ARID2: variants seen among roughly 807,000 people sequenced by gnomAD.
ARID2 encodes AT-rich interactive domain-containing protein 2.
A neutral mutation model predicts 184.6 loss-of-function variants in ARID2; 32 were observed. That is an observed-to-expected ratio of 0.17 (90% CI 0.13 to 0.23). ARID2 has a LOEUF of 0.23. Among genes scored for constraint, ARID2 ranks in the 10% least tolerant of loss-of-function variants. The pLI is 1.00. For missense variants in ARID2, 1,696 were observed against 2,197.6 expected (o/e 0.77, Z 4.56); for synonymous variants, 836 against 772.6 (o/e 1.08, Z -1.36).
In ARID2 at chr12:45,817,746, G is replaced by T; in HGVS notation, c.495G>T (p.Leu165=). Residue 165 remains leucine (L), a synonymous_variant, in exon 5 of 21, where the codon CTG becomes CTT. Coordinates refer to ENST00000334344, the MANE Select transcript of ARID2 (RefSeq NM_152641.4). ...ATTATAATAAATTGGTGCTTTCACTGTTATCTGGACTCCCAAATGAAGTGG... is the reference window on the plus strand; with the variant it reads ...ATTATAATAAATTGGTGCTTTCACTTTTATCTGGACTCCCAAATGAAGTGG... ...PNDYNKLVLS[L]LSGLPNEVDF... The T allele has an allele frequency of 6.2e-7, 1 of 1,612,918 alleles. No individual in the cohort carries two copies. The highest frequency in any genetic ancestry group is 1.3e-5 in the African/African-American group (1 of 74,884).
intron 4 of ARID2, among the ~76,000 whole-genome samples, chr12:45,815,098 G>C (rs1446088670): frequency 6.6e-6 from 1 of 152,134 alleles, no homozygotes; most frequent in Non-Finnish European, 1.5e-5. Flanking sequence ...ACAATTCTAA[G>C]ATCATATTGA....
At chr12:45,825,277 G>A (rs1401291505) in intron 6 of ARID2, among the ~76,000 whole-genome samples, 1 of 152,090 alleles carries the variant, frequency 6.6e-6, no homozygotes, top group African/African-American at 2.4e-5. Context: ...ATAAATATAT[G>A]AGGTGATGCA....
rs553923442 is a variant in ARID2, at chr12:45,842,351, A to G, written c.1498+2855A>G. ...TATATACACACATGTATATGTATAT[A>G]TGTGTATATATACACACACATATAT... On this transcript the variant is annotated intron_variant, in intron 11 of 20. Transcript: ENST00000334344. The G allele has an allele frequency of 4.8e-4, 73 of 151,922 alleles. 1 individual carries two copies. The highest frequency in any genetic ancestry group is 1.7e-3 in the African/African-American group (72 of 41,428). 9.4% of individuals were successfully genotyped at this position (151,922 alleles called of 1,614,324 possible).
chr12:45,730,373 G>T (rs948831808), intron 2 of ARID2, among the ~76,000 whole-genome samples: 1 of 145,708 alleles, frequency 6.9e-6, no homozygotes, highest in Non-Finnish European at 1.5e-5. Flanking sequence ...GCGCCGGCTC[G>T]CGCCCTGCCC....
intron 20 of ARID2, among the ~76,000 whole-genome samples, chr12:45,898,557 C>T (rs971924301): frequency 6.6e-6 from 1 of 152,128 alleles, no homozygotes; most frequent in Admixed American, 6.5e-5. Context: ...TGAAAATATT[C>T]TAGAATTGTG....
At chr12:45,766,813 C>T (rs995668107) in intron 3 of ARID2, among the ~76,000 whole-genome samples, 4 of 149,620 alleles carry the variant, frequency 2.7e-5, no homozygotes, top group Admixed American at 6.7e-5. Context: ...CGCGCCCAGC[C>T]GGCATATATT....
Position 45,749,412 on chromosome 12 carries a change from TACAG to T in ARID2, c.284+18104_284+18107del, listed in dbSNP as rs372146582. On this transcript the variant is annotated intron_variant, in intron 3 of 20. Coordinates refer to ENST00000334344, the MANE Select transcript of ARID2 (RefSeq NM_152641.4). ...AGGCTTTGTTGTTTCATTTATAGAG[TACAG>T]ACAGAGTAGATTTAGCATAATTCTT... is the stretch of plus-strand genomic sequence containing the variant. Among the ~76,000 whole-genome samples the T allele has an allele frequency of 2.0e-4, 31 of 152,246 alleles. No homozygotes were observed. In the East Asian group the frequency reaches 5.4e-3, roughly 27 times the overall value.
intron 6 of ARID2, among the ~76,000 whole-genome samples, chr12:45,824,847 GAATA>G (rs1942963243): frequency 6.7e-6 from 1 of 149,202 alleles, no homozygotes; most frequent in Admixed American, 6.7e-5. Flanking sequence ...ACAGGTGAAT[GAATA>G]AAGTTATATA....
chr12:45,849,938 T>G, intron 14 of ARID2, 98 bp from the exon 15 acceptor site: 1 of 1,465,022 alleles, frequency 6.8e-7, no homozygotes, highest in Non-Finnish European at 9.0e-7. Flanking sequence ...TTGTTAGATG[T>G]TAATTTCTTA....
chr12:45,852,311 A>G lies in ARID2; in HGVS notation c.4188A>G (p.Gln1396=), dbSNP rs145517005. 9.9e-4 allele frequency: 1,591 copies of G among 1,614,138 alleles called. 8 individuals are homozygous for G. The African/African-American group carries it at 0.018, about 19-fold the overall frequency. Reference sequence around the variant, plus strand: ...GTGAGATATCTCCAATGGAACCACAAGGGACTTTAGATATCACTCAGCAAG... The same window carrying G: ...GTGAGATATCTCCAATGGAACCACAGGGGACTTTAGATATCACTCAGCAAG... ...GNGEISPMEP[Q]GTLDITQQDT... Residue 1396 remains glutamine (Q), a synonymous_variant, in exon 15 of 21, where the codon CAA becomes CAG. Transcript: ENST00000334344.
intron 16 of ARID2, among the ~76,000 whole-genome samples, chr12:45,862,753 C>T (rs573095985): frequency 1.3e-5 from 2 of 152,196 alleles, no homozygotes; most frequent in South Asian, 2.1e-4. Flanking sequence ...GATAAGTTGC[C>T]GGAAGAGTTA....
intron 3 of ARID2, among the ~76,000 whole-genome samples, chr12:45,775,268 A>G (rs371143750): frequency 2.6e-5 from 4 of 152,244 alleles, no homozygotes; most frequent in African/African-American, 7.2e-5. Context: ...AGTGTTTGCC[A>G]TCTCAGAGAA....
At chr12:45,745,334 G>A (rs1366111726) in intron 3 of ARID2, among the ~76,000 whole-genome samples, 1 of 152,130 alleles carries the variant, frequency 6.6e-6, no homozygotes, top group Non-Finnish European at 1.5e-5. Flanking sequence ...CTAGCCCTCT[G>A]CTTTCTGGAA....
chr12:45,893,882 A>G, intron 20 of ARID2, 161 bp downstream of exon 20: 1 of 517,052 alleles, frequency 1.9e-6, no homozygotes, highest in Non-Finnish European at 3.2e-6. Context: ...ATGAGCTCTT[A>G]AAAGTCAAAA....
At chr12:45,769,286 TAAGTA>T (rs1345232286) in intron 3 of ARID2, among the ~76,000 whole-genome samples, 3 of 149,840 alleles carry the variant, frequency 2.0e-5, no homozygotes, top group Non-Finnish European at 2.9e-5. Context: ...AAATCACTAT[TAAGTA>T]AAGCAATGTA....
chr12:45,843,306 G>C (rs1943385205), intron 11 of ARID2, among the ~76,000 whole-genome samples: 1 of 149,910 alleles, frequency 6.7e-6, no homozygotes, highest in Admixed American at 6.6e-5. Context: ...TCATGTGATA[G>C]ACTTATTAAA....
At position 45,807,596 on chromosome 12, in the gene ARID2, A is replaced by G. The variant is rs143901010; in HGVS notation, c.285-3822A>G. On this transcript the variant is annotated intron_variant, in intron 3 of 20. Coordinates refer to ENST00000334344, the MANE Select transcript of ARID2 (RefSeq NM_152641.4). ...GTTTTGCCTATGGGTTTGGAATTTC[A>G]CATAAGAAAAAATTAGTTCTAATTT... is the stretch of plus-strand genomic sequence containing the variant. Among the ~76,000 whole-genome samples, 830 of 152,258 alleles carry G rather than the reference A, an allele frequency of 5.5e-3. 7 individuals carry two copies. Among genetic ancestry groups the G allele is most frequent in the African/African-American group, 0.019 (791 of 41,566 alleles).
chr12:45,805,435 G>A (rs748412855), intron 3 of ARID2, among the ~76,000 whole-genome samples: 4 of 151,906 alleles, frequency 2.6e-5, no homozygotes, highest in Non-Finnish European at 4.4e-5. Context: ...TTCAGATGAG[G>A]AGTATTGTTT....
intron 3 of ARID2, among the ~76,000 whole-genome samples, chr12:45,778,986 T>C (rs1426260423): frequency 6.6e-6 from 1 of 152,088 alleles, no homozygotes; most frequent in Non-Finnish European, 1.5e-5. Flanking sequence ...ATTAGTTTTT[T>C]AACCTATTAT....
Sources: gnomAD v4.1 joint callset for allele counts (sites outside exome capture counted in the v4.1 genomes callset) on GRCh38, gnomAD v4.1.1 for gene constraint, MANE v1.5 for transcripts, NCBI Gene and HGNC (gene_info 2026-07-23, HGNC 2026-07-21) for gene names.